RGS6: variants seen among roughly 807,000 people sequenced by gnomAD.
RGS6 encodes the protein regulator of G protein signaling 6.
In RGS6, 30 loss-of-function variants were observed where a neutral mutation model predicts 78.5. The ratio of observed to expected loss-of-function variants is 0.38; its 90% CI spans 0.29 to 0.52. The LOEUF (loss-of-function observed/expected upper bound fraction) is 0.52, where lower values mean the gene tolerates loss of function less well. Among genes scored for constraint, RGS6 ranks in the 20% least tolerant of loss-of-function variants. The pLI is 0.85. For synonymous variants in RGS6, 206 were observed against 206.0 expected (o/e 1.00, Z 0.00); for missense variants, 495 against 609.7 (o/e 0.81, Z 1.98).
intron 13 of RGS6, among the ~76,000 whole-genome samples, chr14:72,497,808 T>A (rs1258403655): frequency 2.0e-5 from 3 of 152,132 alleles, no homozygotes; most frequent in African/African-American, 4.8e-5. Context: ...AGAACTTAAC[T>A]CTTTCTTTAA....
intron 2 of RGS6, among the ~76,000 whole-genome samples, chr14:72,052,929 C>A (rs1412369846): frequency 4.2e-5 from 1 of 23,722 alleles, no homozygotes; most frequent in Admixed American, 4.8e-4. Context: ...TTGTATTTTT[C>A]TTTCTTTCTT....
chr14:72,277,689 A>G (rs976734901), intron 2 of RGS6, among the ~76,000 whole-genome samples: 2 of 152,102 alleles, frequency 1.3e-5, no homozygotes, highest in Non-Finnish European at 2.9e-5. Flanking sequence ...GCACTTTGGG[A>G]GGCCGAGGCA....
At chr14:72,094,897 CACA>C (rs2095365572) in intron 2 of RGS6, among the ~76,000 whole-genome samples, 1 of 152,132 alleles carries the variant, frequency 6.6e-6, no homozygotes, top group Non-Finnish European at 1.5e-5. Context: ...CTTGCAATTA[CACA>C]ACAAGCAAGG....
At chr14:72,592,051 A>C in the RGS6 span, among the ~76,000 whole-genome samples, 1 of 152,252 alleles carries the variant, frequency 6.6e-6, no homozygotes, top group Non-Finnish European at 1.5e-5. Flanking sequence ...AGCAACAAAC[A>C]CCTGGGATTT....
chr14:72,082,958 C>G lies in RGS6; in HGVS notation c.84+118083C>G, dbSNP rs1042780236. ...CACAAAAGGCTACTCAGCTTTGCCT[C>G]AATCCAAGCCATCATGTAATCACAT... On this transcript the variant is annotated intron_variant, in intron 2 of 17. Coordinates refer to ENST00000553525, the MANE Select transcript of RGS6 (RefSeq NM_001204424.2). Among the ~76,000 whole-genome samples, 3 of 152,308 alleles carry G rather than the reference C, an allele frequency of 2.0e-5. No homozygotes were observed. In the East Asian group the frequency reaches 5.8e-4, roughly 29 times the overall value.
At chr14:72,281,876 C>A (rs1285387381) in intron 2 of RGS6, among the ~76,000 whole-genome samples, 10 of 152,082 alleles carry the variant, frequency 6.6e-5, no homozygotes, top group Non-Finnish European at 7.4e-5. Context: ...TTGCAGGCCA[C>A]AGTAAGGAAT....
At chr14:72,198,277 T>G (rs1426388231) in intron 2 of RGS6, among the ~76,000 whole-genome samples, 3 of 152,158 alleles carry the variant, frequency 2.0e-5, no homozygotes, top group Non-Finnish European at 4.4e-5. Context: ...CACTTGAGCC[T>G]CAGAAGTCCA....
At chr14:72,186,112 C>A (rs2097241891) in intron 2 of RGS6, among the ~76,000 whole-genome samples, 2 of 152,200 alleles carry the variant, frequency 1.3e-5, no homozygotes, top group African/African-American at 2.4e-5. Flanking sequence ...AGATTTGAGT[C>A]CGGTGCCTTT....
the RGS6 span, among the ~76,000 whole-genome samples, chr14:71,888,071 C>A: frequency 2.1e-4 from 32 of 152,234 alleles, 1 homozygote; most frequent in South Asian, 6.4e-3. Context: ...CTCTTTATTT[C>A]TCAGCTGGCC....
intron 2 of RGS6, among the ~76,000 whole-genome samples, chr14:72,003,571 G>T (rs1016085812): frequency 1.3e-5 from 2 of 151,972 alleles, no homozygotes; most frequent in Non-Finnish European, 2.9e-5. Context: ...ATTTTGTTTA[G>T]TCTGTTTTTT....
intron 6 of RGS6, among the ~76,000 whole-genome samples, chr14:72,463,800 C>T (rs1208420340): frequency 6.6e-6 from 1 of 152,174 alleles, no homozygotes; most frequent in Non-Finnish European, 1.5e-5. Context: ...CCTAATTCTG[C>T]CAGGGGTCCA....
At chr14:72,432,647 CCACCTCCTT>C (rs1303905769) in intron 3 of RGS6, among the ~76,000 whole-genome samples, 1 of 152,204 alleles carries the variant, frequency 6.6e-6, no homozygotes, top group Non-Finnish European at 1.5e-5. Flanking sequence ...CCTGTCCATC[CCACCTCCTT>C]CAGGCGGTAG....
chr14:72,428,863 A>C (rs1237456021), intron 3 of RGS6, among the ~76,000 whole-genome samples: 1 of 152,192 alleles, frequency 6.6e-6, no homozygotes, highest in African/African-American at 2.4e-5. Flanking sequence ...GTCTTGCTCA[A>C]GCACAAGTGT....
chr14:72,410,590 A>T (rs971784063), intron 3 of RGS6, among the ~76,000 whole-genome samples: 6 of 152,110 alleles, frequency 3.9e-5, no homozygotes, highest in African/African-American at 1.4e-4. Flanking sequence ...CCATTTGTCA[A>T]TTTTGGCTTT....
chr14:72,275,580 G>C (rs775668065), intron 2 of RGS6, among the ~76,000 whole-genome samples: 7 of 152,176 alleles, frequency 4.6e-5, no homozygotes, highest in Non-Finnish European at 7.3e-5. Flanking sequence ...AGAGGCTAAA[G>C]CCTCAATTAT....
intron 1 of RGS6, among the ~76,000 whole-genome samples, chr14:71,957,474 C>T (rs1440183330): frequency 6.6e-6 from 1 of 152,080 alleles, no homozygotes; most frequent in Non-Finnish European, 1.5e-5. Flanking sequence ...CCATTAAGGT[C>T]ACAGAAGGTT....
intron 17 of RGS6, among the ~76,000 whole-genome samples, chr14:72,558,975 C>T (rs1567132564): frequency 6.6e-6 from 1 of 152,184 alleles, no homozygotes; most frequent in African/African-American, 2.4e-5. Context: ...GGTTTCCTGG[C>T]ACCATGATCC....
At position 72,553,630 on chromosome 14, in the gene RGS6, G is replaced by A. The variant is rs2097535039; in HGVS notation, c.1423-8787G>A. Among the ~76,000 whole-genome samples the A allele has an allele frequency of 2.0e-5, 3 of 152,194 alleles. No homozygotes were observed. In the South Asian group the frequency reaches 6.2e-4, roughly 32 times the overall value. The stretch of plus-strand genomic sequence containing the variant: ...ATGCTGAGATGAGTCCCTTGTCCCA[G>A]AGGCAATGTGCAGATAACATCCTTA... On this transcript the variant is annotated intron_variant, in intron 17 of 17. Transcript: ENST00000553525.
intron 12 of RGS6, among the ~76,000 whole-genome samples, chr14:72,483,700 T>C (rs2153378902): frequency 6.6e-6 from 1 of 151,982 alleles, no homozygotes; most frequent in South Asian, 2.1e-4. Flanking sequence ...TCTCCTAGCC[T>C]GTTCTAGGTG....
Sources: gnomAD v4.1 joint callset for allele counts (sites outside exome capture counted in the v4.1 genomes callset) on GRCh38, gnomAD v4.1.1 for gene constraint, MANE v1.5 for transcripts, NCBI Gene and HGNC (gene_info 2026-07-23, HGNC 2026-07-21) for gene names.